Variants in CTNNBL1 observed in about 807,000 individuals in gnomAD.
CTNNBL1 encodes beta-catenin-like protein 1.
Under a neutral mutation model 72.7 loss-of-function variants are expected in CTNNBL1, and 31 were observed. The observed-to-expected ratio is 0.43, with a 90% confidence interval of 0.32 to 0.58. CTNNBL1 has a LOEUF of 0.58. Among genes scored for constraint, CTNNBL1 ranks in the 20% least tolerant of loss-of-function variants. The pLI is 0.08. For missense variants in CTNNBL1, 534 were observed against 725.1 expected (o/e 0.74, Z 3.03); for synonymous variants, 240 against 267.3 (o/e 0.90, Z 1.00).
intron 11 of CTNNBL1, among the ~76,000 whole-genome samples, chr20:37,835,841 T>C (rs933641128): frequency 1.1e-4 from 16 of 152,272 alleles, no homozygotes; most frequent in African/African-American, 3.8e-4. Context: ...AAATGAAGTG[T>C]GGGTGCCGAT....
In CTNNBL1 at chr20:37,872,015, G is replaced by A. The variant is rs140951542; in HGVS notation, c.*2G>A. ...CTGGGCTTGCTGGAGAACTTCTAGA[G>A]GCACCTTGGCCCTGCGCATCATGGA... On this transcript the variant is annotated 3_prime_UTR_variant, in exon 16 of 16. Transcript: ENST00000361383. 20 of 1,613,232 alleles carry A rather than the reference G, an allele frequency of 1.2e-5. No individual in the cohort carries two copies. The highest frequency in any genetic ancestry group is 1.7e-5 in the Non-Finnish European group (20 of 1,179,330).
At chr20:37,696,383 GCAAAATACACACT>G (rs1321551515) in intron 1 of CTNNBL1, among the ~76,000 whole-genome samples, 122 of 150,396 alleles carry the variant, frequency 8.1e-4, no homozygotes, top group African/African-American at 2.9e-3. Flanking sequence ...TGCTACATGT[GCAAAATACACACT>G]GGATTTCAAA....
intron 13 of CTNNBL1, among the ~76,000 whole-genome samples, chr20:37,858,260 G>A (rs970204831): frequency 2.6e-5 from 4 of 152,214 alleles, no homozygotes; most frequent in African/African-American, 4.8e-5. Flanking sequence ...CTGCATAGAT[G>A]TGTACTGAGC....
intron 11 of CTNNBL1, among the ~76,000 whole-genome samples, chr20:37,824,890 G>A (rs2072144274): frequency 6.6e-6 from 1 of 152,192 alleles, no homozygotes; most frequent in Admixed American, 6.5e-5. Context: ...AGAAGGAAGG[G>A]CAGAAGGACA....
intron 1 of CTNNBL1, among the ~76,000 whole-genome samples, chr20:37,705,975 C>T (rs572815495): frequency 3.3e-5 from 5 of 152,222 alleles, no homozygotes; most frequent in Non-Finnish European, 7.3e-5. Flanking sequence ...TAAAGCAAGT[C>T]ATACAAATCT....
chr20:37,704,696 G>A (rs747463951), intron 1 of CTNNBL1, among the ~76,000 whole-genome samples: 54 of 151,914 alleles, frequency 3.6e-4, no homozygotes, highest in Non-Finnish European at 1.9e-4. Flanking sequence ...GGATGACAGA[G>A]CTAGATCCTG....
chr20:37,716,383 A>G (rs189535649), intron 1 of CTNNBL1, among the ~76,000 whole-genome samples: 1 of 152,334 alleles, frequency 6.6e-6, no homozygotes, highest in Admixed American at 6.5e-5. Flanking sequence ...CCAGGCTGCC[A>G]GAGGATTTCT....
chr20:37,867,717 G>A (rs529401792), intron 15 of CTNNBL1, among the ~76,000 whole-genome samples: 17 of 151,598 alleles, frequency 1.1e-4, no homozygotes, highest in East Asian at 9.7e-4. Context: ...ACGCACACAC[G>A]CACACACACA....
chr20:37,836,092 G>C (rs1312967764), intron 11 of CTNNBL1, among the ~76,000 whole-genome samples: 1 of 152,148 alleles, frequency 6.6e-6, no homozygotes, highest in African/African-American at 2.4e-5. Context: ...CCATTGGTAG[G>C]GGGTGAAGGG....
At chr20:37,809,780 A>C (rs1312100261) in intron 11 of CTNNBL1, among the ~76,000 whole-genome samples, 1 of 152,194 alleles carries the variant, frequency 6.6e-6, no homozygotes, top group Non-Finnish European at 1.5e-5. Flanking sequence ...ACTTGATGAA[A>C]TTGTTGTTTG....
intron 11 of CTNNBL1, among the ~76,000 whole-genome samples, chr20:37,821,109 C>G (rs2072103509): frequency 6.6e-6 from 1 of 152,212 alleles, no homozygotes; most frequent in Non-Finnish European, 1.5e-5. Flanking sequence ...GATGCATCCC[C>G]TGACTGAGAT....
chr20:37,744,479 C>G (rs1246442161), intron 3 of CTNNBL1, among the ~76,000 whole-genome samples: 1 of 152,184 alleles, frequency 6.6e-6, no homozygotes, highest in Non-Finnish European at 1.5e-5. Flanking sequence ...TTAATTAAAT[C>G]ACAGTACGTC....
intron 15 of CTNNBL1, among the ~76,000 whole-genome samples, chr20:37,861,398 G>T (rs1216557934): frequency 6.6e-6 from 1 of 152,236 alleles, no homozygotes; most frequent in African/African-American, 2.4e-5. Context: ...ACTAACTGGA[G>T]AGCGCTGGCT....
chr20:37,746,637 G>A (rs762437738), intron 4 of CTNNBL1, 30 bp downstream of exon 4: 38 of 1,613,710 alleles, frequency 2.4e-5, no homozygotes, highest in Non-Finnish European at 3.0e-5. Context: ...CTCAGTAGGA[G>A]AGCTGACATG....
chr20:37,764,761 T>C (rs1383739175), intron 5 of CTNNBL1, among the ~76,000 whole-genome samples: 1 of 152,232 alleles, frequency 6.6e-6, no homozygotes, highest in Non-Finnish European at 1.5e-5. Context: ...CACATTCTAG[T>C]GAAACATCTT....
chr20:37,773,670 T>C (rs1196532385), intron 7 of CTNNBL1, among the ~76,000 whole-genome samples: 1 of 152,200 alleles, frequency 6.6e-6, no homozygotes, highest in African/African-American at 2.4e-5. Context: ...ATATGCTTTG[T>C]AAGTGTTGTC....
intron 15 of CTNNBL1, among the ~76,000 whole-genome samples, chr20:37,860,915 G>A (rs965956956): frequency 1.1e-4 from 16 of 152,166 alleles, no homozygotes; most frequent in African/African-American, 2.2e-4. Context: ...TCATAGTTGT[G>A]TAGTTATCAT....
At chr20:37,829,427 G>T (rs555631429) in intron 11 of CTNNBL1, among the ~76,000 whole-genome samples, 4 of 152,172 alleles carry the variant, frequency 2.6e-5, no homozygotes, top group Non-Finnish European at 5.9e-5. Context: ...TTCTGAAGCC[G>T]AGTGGGCAGA....
At chr20:37,702,695 C>T (rs1341371320) in intron 1 of CTNNBL1, among the ~76,000 whole-genome samples, 2 of 152,094 alleles carry the variant, frequency 1.3e-5, no homozygotes, top group Non-Finnish European at 2.9e-5. Flanking sequence ...CCTCCCTCTG[C>T]GTTCTTCTCA....
Sources: gnomAD v4.1 joint callset for allele counts (sites outside exome capture counted in the v4.1 genomes callset) on GRCh38, gnomAD v4.1.1 for gene constraint, MANE v1.5 for transcripts, NCBI Gene and HGNC (gene_info 2026-07-23, HGNC 2026-07-21) for gene names.